ATP8A2: variants seen among roughly 807,000 people sequenced by gnomAD.
ATP8A2 encodes the protein ATPase phospholipid transporting 8A2, also known as phospholipid-transporting ATPase IB.
In ATP8A2, 100 loss-of-function variants were observed where a neutral mutation model predicts 165.6. The observed-to-expected ratio is 0.60, with a 90% CI of 0.51 to 0.71. The LOEUF is 0.71. Ranked by LOEUF, ATP8A2 falls within the 30% of genes least tolerant of loss-of-function variation. The pLI is 0.00. For missense variants in ATP8A2, 1,227 were observed against 1,479.5 expected (o/e 0.83, Z 2.80); for synonymous variants, 543 against 548.8 (o/e 0.99, Z 0.15).
At chr13:25,423,462 T>C (rs2034356869) in intron 1 of ATP8A2, among the ~76,000 whole-genome samples, 1 of 152,300 alleles carries the variant, frequency 6.6e-6, no homozygotes, top group Non-Finnish European at 1.5e-5. Flanking sequence ...CATTTTCGAA[T>C]ATTTTTGTAT....
chr13:25,536,265 C>G (rs1320319392), intron 6 of ATP8A2, among the ~76,000 whole-genome samples: 3 of 141,458 alleles, frequency 2.1e-5, no homozygotes, highest in African/African-American at 8.1e-5. Flanking sequence ...GTGCCCACCA[C>G]CATGCCCGGT....
At position 25,553,900 on chromosome 13, in the gene ATP8A2, CA is replaced by C; in HGVS notation, c.1167del (p.Ala390ProfsTer4). 6.2e-7 allele frequency: 1 copy of C among 1,613,540 alleles called. No individual in the cohort carries two copies. The highest frequency in any genetic ancestry group is 8.5e-7 in the Non-Finnish European group (1 of 1,179,636). ...LVTLEVVKYT[Q>X]ALFINWDTDM... Reference sequence around the variant, plus strand: ...GACTCTTGAGGTTGTGAAGTATACTCAAGCCCTTTTCATAAACTGGGTGAGT... The same window carrying C: ...GACTCTTGAGGTTGTGAAGTATACTCAGCCCTTTTCATAAACTGGGTGAGT... On this transcript the variant is annotated frameshift_variant, in exon 12 of 37. Transcript: ENST00000381655. LOFTEE classifies it high-confidence loss of function.
At chr13:25,662,459 A>G (rs886713890) in intron 24 of ATP8A2, among the ~76,000 whole-genome samples, 1 of 152,184 alleles carries the variant, frequency 6.6e-6, no homozygotes, top group Admixed American at 6.5e-5. Context: ...TTGATGTTCT[A>G]ACTTTACCTA....
chr13:25,857,110 A>G (rs1277646780), intron 30 of ATP8A2, among the ~76,000 whole-genome samples: 1 of 152,044 alleles, frequency 6.6e-6, no homozygotes, highest in Non-Finnish European at 1.5e-5. Flanking sequence ...TGCCCCTTTG[A>G]CTGTCTGCCT....
intron 33 of ATP8A2, among the ~76,000 whole-genome samples, chr13:25,958,386 G>T (rs150317491): frequency 6.6e-6 from 1 of 152,226 alleles, no homozygotes; most frequent in Non-Finnish European, 1.5e-5. Flanking sequence ...ATGATTAGTG[G>T]CATGGCTGAA....
At chr13:26,003,804 C>A (rs1352094675) in intron 35 of ATP8A2, among the ~76,000 whole-genome samples, 2 of 152,114 alleles carry the variant, frequency 1.3e-5, no homozygotes, top group Non-Finnish European at 2.9e-5. Flanking sequence ...GTTATTAGCA[C>A]CTTTGTTGAA....
At chr13:25,986,266 C>T (rs1956279411) in intron 35 of ATP8A2, among the ~76,000 whole-genome samples, 3 of 152,206 alleles carry the variant, frequency 2.0e-5, no homozygotes, top group Admixed American at 2.0e-4. Context: ...GTATACAATA[C>T]ATTATTATTA....
At chr13:25,824,692 C>G (rs748926105) in intron 27 of ATP8A2, among the ~76,000 whole-genome samples, 5 of 152,058 alleles carry the variant, frequency 3.3e-5, no homozygotes, top group Non-Finnish European at 7.4e-5. Flanking sequence ...TTATAGGTTT[C>G]TCTTGGATGA....
chr13:25,569,292 A>G (rs934950757), intron 16 of ATP8A2, among the ~76,000 whole-genome samples: 1 of 152,180 alleles, frequency 6.6e-6, no homozygotes, highest in Non-Finnish European at 1.5e-5. Flanking sequence ...TCTTCATGAT[A>G]AGAAGTAGCC....
chr13:25,517,408 T>G (rs2037515193), intron 2 of ATP8A2, among the ~76,000 whole-genome samples: 1 of 152,226 alleles, frequency 6.6e-6, no homozygotes, highest in Non-Finnish European at 1.5e-5. Flanking sequence ...TATCTTCTTC[T>G]CAGCTCATGT....
intron 11 of ATP8A2, among the ~76,000 whole-genome samples, chr13:25,552,795 G>C (rs2038863694): frequency 6.6e-6 from 1 of 152,152 alleles, no homozygotes; most frequent in Admixed American, 6.5e-5. Flanking sequence ...TAGTGAGTAG[G>C]AAGTGAAGGG....
intron 1 of ATP8A2, among the ~76,000 whole-genome samples, chr13:25,438,952 T>G (rs2034854708): frequency 6.6e-6 from 1 of 152,182 alleles, no homozygotes. Flanking sequence ...AGAATATATT[T>G]GGCTCAGACC....
At chr13:25,556,051 G>A (rs2038971309) in intron 13 of ATP8A2, among the ~76,000 whole-genome samples, 1 of 152,150 alleles carries the variant, frequency 6.6e-6, no homozygotes, top group African/African-American at 2.4e-5. Context: ...CCATGTCTTT[G>A]CTATTGTGAA....
chr13:25,768,737 C>T (rs1245065016), intron 25 of ATP8A2, among the ~76,000 whole-genome samples: 2 of 152,164 alleles, frequency 1.3e-5, no homozygotes, highest in African/African-American at 4.8e-5. Flanking sequence ...GACTGACTTC[C>T]TTTATCATTC....
chr13:25,549,207 C>T (rs1200046955), intron 10 of ATP8A2, among the ~76,000 whole-genome samples: 1 of 152,066 alleles, frequency 6.6e-6, no homozygotes, highest in African/African-American at 2.4e-5. Flanking sequence ...TGCCTGTAAT[C>T]CCACCACTTT....
At chr13:25,481,395 C>T (rs1266847331) in intron 2 of ATP8A2, among the ~76,000 whole-genome samples, 2 of 152,238 alleles carry the variant, frequency 1.3e-5, no homozygotes, top group African/African-American at 4.8e-5. Context: ...AGGAGCCCTC[C>T]TGAGACTCAA....
At chr13:25,758,656 C>G (rs899247892) in intron 25 of ATP8A2, among the ~76,000 whole-genome samples, 1 of 152,204 alleles carries the variant, frequency 6.6e-6, no homozygotes, top group African/African-American at 2.4e-5. Flanking sequence ...CCACCTGCCA[C>G]CACCACCACA....
chr13:25,587,537 C>A (rs938418888), intron 23 of ATP8A2, among the ~76,000 whole-genome samples: 1 of 152,020 alleles, frequency 6.6e-6, no homozygotes, highest in South Asian at 2.1e-4. Context: ...AAGCAGCAAG[C>A]GAGGGCTTAA....
intron 27 of ATP8A2, among the ~76,000 whole-genome samples, chr13:25,809,406 C>T (rs1189200182): frequency 6.6e-6 from 1 of 152,174 alleles, no homozygotes; most frequent in Non-Finnish European, 1.5e-5. Context: ...TCAAACTTAA[C>T]ATGTCCAAAA....
Sources: allele counts gnomAD v4.1 joint callset (sites outside exome capture counted in the v4.1 genomes callset), GRCh38; gene constraint gnomAD v4.1.1; transcripts MANE v1.5; gene names NCBI Gene and HGNC (gene_info 2026-07-23, HGNC 2026-07-21).